Variants in MLLT3 observed in about 807,000 individuals in gnomAD.
MLLT3 encodes MLLT3 super elongation complex subunit.
MLLT3 carries 4 observed loss-of-function variants against 53.2 expected under a neutral mutation model. The observed-to-expected ratio is 0.08, with a 90% CI of 0.04 to 0.17. MLLT3 has a LOEUF of 0.17. Among genes scored for constraint, MLLT3 ranks in the 10% least tolerant of loss-of-function variants. The pLI, the probability that MLLT3 is intolerant of heterozygous loss-of-function variation, is 1.00. For synonymous variants in MLLT3, 283 were observed against 230.6 expected (o/e 1.23, Z -2.06); for missense variants, 569 against 684.0 (o/e 0.83, Z 1.87).
At chr9:20,616,981 C>A (rs1820847651) in intron 2 of MLLT3, among the ~76,000 whole-genome samples, 1 of 152,120 alleles carries the variant, frequency 6.6e-6, no homozygotes, top group Admixed American at 6.5e-5. Flanking sequence ...ACATTCTCAC[C>A]CACAGAATAT....
intron 2 of MLLT3, among the ~76,000 whole-genome samples, chr9:20,610,415 C>T (rs1431413895): frequency 3.3e-5 from 5 of 152,164 alleles, no homozygotes; most frequent in African/African-American, 1.2e-4. Context: ...TCTCAGCAGA[C>T]ACAATGTTTC....
rs1821016529 is a variant in MLLT3 at position 20,621,718 on chromosome 9, G to A, written c.12+527C>T. The A allele has an allele frequency of 1.4e-6, 2 of 1,475,954 alleles. No individual in the cohort carries two copies. Among genetic ancestry groups the A allele is most frequent in the Admixed American group, 4.5e-5 (2 of 44,340 alleles). 91.4% of individuals were successfully genotyped at this position (1,475,954 alleles called of 1,614,324 possible). A position where few individuals can be genotyped will look rare whatever the true frequency, so the allele number is the denominator to read the frequency against. On this transcript the variant is annotated intron_variant, in intron 1 of 10. Coordinates refer to ENST00000380338, the MANE Select transcript of MLLT3 (RefSeq NM_004529.4). The surrounding 1 kb of genome is among the most constrained non-coding windows in gnomAD (Gnocchi z 7.0). ...CTGGGGCAAAGTTGCGTGCGGCCCCGCCGCTGTCAGCCCCGCACACTTCGG... is the reference window on the plus strand; with the variant it reads ...CTGGGGCAAAGTTGCGTGCGGCCCCACCGCTGTCAGCCCCGCACACTTCGG...
chr9:20,425,619 G>C (rs1409215475), intron 4 of MLLT3, among the ~76,000 whole-genome samples: 1 of 151,928 alleles, frequency 6.6e-6, no homozygotes, highest in African/African-American at 2.4e-5. Context: ...GATGTCATTT[G>C]TTATCTTACT....
rs985318783 is a variant in MLLT3 at position 20,491,437 on chromosome 9, C to T, written c.194-34651G>A. On this transcript the variant is annotated intron_variant, in intron 2 of 10. Coordinates refer to ENST00000380338, the MANE Select transcript of MLLT3 (RefSeq NM_004529.4). ...AAGAAAGCAGAAAAATCCAGATAAACGCAATAATATAGAAAGACATCAGGG... is the reference window on the plus strand; with the variant it reads ...AAGAAAGCAGAAAAATCCAGATAAATGCAATAATATAGAAAGACATCAGGG... 1.1e-3 allele frequency among the ~76,000 whole-genome samples: 165 copies of T among 151,938 alleles called. 2 individuals carry two copies. Among genetic ancestry groups the T allele is most frequent in the Non-Finnish European group, 1.8e-4 (12 of 67,944 alleles).
intron 2 of MLLT3, among the ~76,000 whole-genome samples, chr9:20,537,752 T>A (rs562934662): frequency 3.3e-5 from 5 of 152,160 alleles, no homozygotes; most frequent in Admixed American, 3.3e-4. Flanking sequence ...AAACTTCAGA[T>A]CCTGCAGATG....
chr9:20,430,633 A>C (rs1016396961), intron 4 of MLLT3, among the ~76,000 whole-genome samples: 2 of 152,166 alleles, frequency 1.3e-5, no homozygotes, highest in African/African-American at 4.8e-5. Flanking sequence ...AAATATTTCA[A>C]TGTTAGACAA....
At chr9:20,573,188 GT>G (rs59285839) in intron 2 of MLLT3, among the ~76,000 whole-genome samples, 61,364 of 141,696 alleles carry the variant, frequency 0.43, 12,789 homozygotes, top group Middle Eastern at 0.52. Flanking sequence ...TTTTTGTTTT[GT>G]TTTTTTTTTT....
intron 4 of MLLT3, among the ~76,000 whole-genome samples, chr9:20,437,263 A>G (rs1399204688): frequency 1.3e-5 from 2 of 152,180 alleles, no homozygotes; most frequent in Admixed American, 6.5e-5. Flanking sequence ...TTCACATTCT[A>G]TGTTGCTCTG....
intron 2 of MLLT3, among the ~76,000 whole-genome samples, chr9:20,552,532 G>GTTT: frequency 6.6e-6 from 1 of 152,218 alleles, no homozygotes; most frequent in East Asian, 1.9e-4. Flanking sequence ...CGTTGTTGTT[G>GTTT]TTGTTGGGGC....
intron 10 of MLLT3, among the ~76,000 whole-genome samples, chr9:20,347,446 T>C (rs892382570): frequency 3.3e-5 from 5 of 152,220 alleles, no homozygotes; most frequent in Non-Finnish European, 5.9e-5. Flanking sequence ...CTTCTTGTAT[T>C]GGCTCCAACT....
chr9:20,488,551 G>A (rs1472803603), intron 2 of MLLT3, among the ~76,000 whole-genome samples: 3 of 152,142 alleles, frequency 2.0e-5, no homozygotes, highest in East Asian at 3.8e-4. Context: ...CAGTAAGAAT[G>A]ACAATTTTCT....
chr9:20,474,393 C>CT (rs1459022960), intron 2 of MLLT3, among the ~76,000 whole-genome samples: 1 of 152,076 alleles, frequency 6.6e-6, no homozygotes, highest in Non-Finnish European at 1.5e-5. Flanking sequence ...TTTTCAATGA[C>CT]TAGCTGACCC....
intron 2 of MLLT3, among the ~76,000 whole-genome samples, chr9:20,585,376 C>T (rs1819925883): frequency 6.6e-6 from 1 of 152,198 alleles, no homozygotes; most frequent in South Asian, 2.1e-4. Flanking sequence ...TCCACAAAGG[C>T]TCTATCTACA....
chr9:20,376,895 C>G (rs1821779023), intron 5 of MLLT3, among the ~76,000 whole-genome samples: 1 of 152,194 alleles, frequency 6.6e-6, no homozygotes, highest in South Asian at 2.1e-4. Context: ...TGAAAACAGA[C>G]CACTTACAGT....
chr9:20,514,625 TG>T (rs1817857730), intron 2 of MLLT3, among the ~76,000 whole-genome samples: 1 of 152,090 alleles, frequency 6.6e-6, no homozygotes. Context: ...GGAAAGAATG[TG>T]CCCTTGATCT....
intron 10 of MLLT3, among the ~76,000 whole-genome samples, chr9:20,352,905 C>G (rs966516968): frequency 2.0e-5 from 3 of 151,990 alleles, no homozygotes; most frequent in Admixed American, 1.3e-4. Flanking sequence ...GGTAGTGCAA[C>G]AGAGGCATAC....
chr9:20,411,807 C>G (rs944414157), intron 5 of MLLT3: 2 of 152,050 alleles, frequency 1.3e-5, no homozygotes, highest in Non-Finnish European at 2.9e-5. Context: ...GGAGAATAAA[C>G]AAAATTACCT....
At chr9:20,350,743 C>A (rs540791766) in intron 10 of MLLT3, among the ~76,000 whole-genome samples, 1 of 152,124 alleles carries the variant, frequency 6.6e-6, no homozygotes, top group African/African-American at 2.4e-5. Flanking sequence ...GCCTTTCAAG[C>A]GGTACTACGC....
At chr9:20,511,185 G>T (rs972069769) in intron 2 of MLLT3, among the ~76,000 whole-genome samples, 1 of 152,004 alleles carries the variant, frequency 6.6e-6, no homozygotes, top group African/African-American at 2.4e-5. Flanking sequence ...GTGTGTGCAT[G>T]TTCATATGGA....
Sources: allele counts gnomAD v4.1 joint callset (sites outside exome capture counted in the v4.1 genomes callset), GRCh38; gene constraint gnomAD v4.1.1; non-coding constraint Gnocchi (gnomAD v3.1); transcripts MANE v1.5; gene names NCBI Gene and HGNC (gene_info 2026-07-23, HGNC 2026-07-21).